Variants in ART3 observed in about 807,000 individuals in gnomAD.
The protein encoded by ART3 is ecto-ADP-ribosyltransferase 3.
In ART3, 49 loss-of-function variants were observed where a neutral mutation model predicts 48.5. The ratio of observed to expected loss-of-function variants is 1.01; its 90% CI spans 0.80 to 1.28. The LOEUF (loss-of-function observed/expected upper bound fraction) is 1.28. Ranked by LOEUF, ART3 falls within the 50% of genes most tolerant of loss-of-function variation. The probability of loss-of-function intolerance (pLI) is 0.00; values close to 1 mark genes in which losing one functional copy is unlikely to be tolerated. For synonymous variants in ART3, 145 were observed against 157.2 expected (o/e 0.92, Z 0.58); for missense variants, 438 against 454.3 (o/e 0.96, Z 0.33).
At chr4:76,112,269 G>C in intron 11 of ART3, 117 bp from the exon 12 acceptor site, 1 of 1,270,396 alleles carries the variant, frequency 7.9e-7, no homozygotes, top group Non-Finnish European at 1.1e-6. Flanking sequence ...AAGTATTTCA[G>C]GTAAGTTTCT....
chr4:76,057,618 G>A (rs2149472462), intron 1 of ART3, among the ~76,000 whole-genome samples: 1 of 152,248 alleles, frequency 6.6e-6, no homozygotes, highest in South Asian at 2.1e-4. Flanking sequence ...ACCCTGTGAG[G>A]GGAACTGCTA....
intron 3 of ART3, among the ~76,000 whole-genome samples, chr4:76,085,733 T>G (rs1328754918): frequency 1.3e-5 from 2 of 152,102 alleles, no homozygotes; most frequent in Admixed American, 1.3e-4. Context: ...GTGCAGCCAT[T>G]ATGGAAAACA....
At chr4:76,015,866 C>T (rs979925289) in intron 1 of ART3, among the ~76,000 whole-genome samples, 19 of 152,166 alleles carry the variant, frequency 1.2e-4, no homozygotes, top group Non-Finnish European at 8.8e-5. Context: ...TGGGCTCAAG[C>T]GATCCTCTGG....
At chr4:76,072,384 A>G (rs1266456115), upstream of ART3, among the ~76,000 whole-genome samples, 1 of 152,152 alleles carries the variant, frequency 6.6e-6, no homozygotes, top group Non-Finnish European at 1.5e-5. Context: ...GCCTGTTTCT[A>G]ACAACCAAAG....
At chr4:76,038,782 G>C (rs1435013314) in intron 1 of ART3, among the ~76,000 whole-genome samples, 1 of 152,050 alleles carries the variant, frequency 6.6e-6, no homozygotes, top group African/African-American at 2.4e-5. Flanking sequence ...GAGTGCAGTG[G>C]TGTGATCTCG....
intron 1 of ART3, among the ~76,000 whole-genome samples, chr4:76,054,420 A>T (rs1718475837): frequency 8.5e-6 from 1 of 118,072 alleles, no homozygotes; most frequent in Non-Finnish European, 1.7e-5. Flanking sequence ...TATAGTTGAG[A>T]GTGCGAATAT....
At chr4:76,074,434 A>G (rs1720655361), upstream of ART3, among the ~76,000 whole-genome samples, 1 of 152,162 alleles carries the variant, frequency 6.6e-6, no homozygotes, top group South Asian at 2.1e-4. Flanking sequence ...TCCATGCTTT[A>G]GTTTGATATC....
intron 1 of ART3, among the ~76,000 whole-genome samples, chr4:76,050,673 G>C (rs940096361): frequency 6.6e-6 from 1 of 152,218 alleles, no homozygotes; most frequent in Non-Finnish European, 1.5e-5. Flanking sequence ...TCAGCCCTTG[G>C]GTGGTCGATG....
chr4:76,092,301 T>G (rs1017247099), intron 3 of ART3, among the ~76,000 whole-genome samples: 1 of 152,246 alleles, frequency 6.6e-6, no homozygotes, highest in Non-Finnish European at 1.5e-5. Flanking sequence ...GTGTTCAGTG[T>G]GTAAGGCTTT....
chr4:76,046,820 G>A (rs1333327176), intron 1 of ART3, among the ~76,000 whole-genome samples: 1 of 152,052 alleles, frequency 6.6e-6, no homozygotes, highest in Admixed American at 6.6e-5. Context: ...GAGGATGTGG[G>A]AGAAATACCT....
chr4:76,030,335 C>T (rs1032554546), intron 1 of ART3, among the ~76,000 whole-genome samples: 3 of 152,202 alleles, frequency 2.0e-5, no homozygotes, highest in Admixed American at 1.3e-4. Context: ...GGATTACAGG[C>T]GTGAGCCACC....
At chr4:76,108,306 A>G (rs1728852296) in intron 11 of ART3, among the ~76,000 whole-genome samples, 1 of 152,084 alleles carries the variant, frequency 6.6e-6, no homozygotes, top group South Asian at 2.1e-4. Context: ...AGGAAGTATA[A>G]GAAAATGGAG....
chr4:76,014,791 G>A (rs1732114900), intron 1 of ART3, among the ~76,000 whole-genome samples: 1 of 152,116 alleles, frequency 6.6e-6, no homozygotes, highest in South Asian at 2.1e-4. Context: ...AGAGAATCTT[G>A]AAAGCAACAA....
chr4:76,090,459 G>T (rs188244394), intron 3 of ART3, among the ~76,000 whole-genome samples: 1 of 152,344 alleles, frequency 6.6e-6, no homozygotes, highest in African/African-American at 2.4e-5. Context: ...TGTTGCCAGA[G>T]ATTCTAATCA....
chr4:76,083,801 GA>G (rs1323108491), intron 3 of ART3, among the ~76,000 whole-genome samples: 1 of 152,196 alleles, frequency 6.6e-6, no homozygotes, highest in East Asian at 1.9e-4. Flanking sequence ...AGAAGCTTGG[GA>G]AGGGGGTAAT....
intron 1 of ART3, among the ~76,000 whole-genome samples, chr4:76,040,652 G>T (rs1734894058): frequency 1.3e-5 from 2 of 151,754 alleles, no homozygotes; most frequent in Non-Finnish European, 2.9e-5. Flanking sequence ...CCTCACGGAG[G>T]CTGCTGCTTG....
At chr4:76,104,151 A>C (rs1346594347) in intron 9 of ART3, among the ~76,000 whole-genome samples, 182 bp downstream of exon 9, 1 of 152,134 alleles carries the variant, frequency 6.6e-6, no homozygotes, top group Non-Finnish European at 1.5e-5. Context: ...CTGTGCATTC[A>C]TGTGCTCCTG....
intron 1 of ART3, among the ~76,000 whole-genome samples, chr4:76,048,553 C>T (rs1735733406): frequency 6.6e-6 from 1 of 151,856 alleles, no homozygotes; most frequent in African/African-American, 2.4e-5. Context: ...GGTCCCTGGA[C>T]CCTGCTGATT....
At chr4:76,072,915 T>C (rs1177362220), upstream of ART3, among the ~76,000 whole-genome samples, 2 of 152,164 alleles carry the variant, frequency 1.3e-5, 1 homozygote, top group Non-Finnish European at 2.9e-5. Context: ...AAGTCTTTGC[T>C]CAAATACCAC....
Sources: allele counts gnomAD v4.1 joint callset (sites outside exome capture counted in the v4.1 genomes callset), GRCh38; gene constraint gnomAD v4.1.1; transcripts MANE v1.5; gene names NCBI Gene and HGNC (gene_info 2026-07-23, HGNC 2026-07-21).